The following SZT2 variants were observed in gnomAD, a reference collection of about 807,000 sequenced individuals.
SZT2 encodes SZT2 subunit of KICSTOR complex, also known as KICSTOR complex protein SZT2.
Under a neutral mutation model 404.2 loss-of-function variants are expected in SZT2, and 216 were observed. The observed-to-expected ratio is 0.53, with a 90% CI of 0.48 to 0.60. The LOEUF (loss-of-function observed/expected upper bound fraction) is 0.60. Ranked by LOEUF, SZT2 falls within the 20% of genes least tolerant of loss-of-function variation. The probability of loss-of-function intolerance (pLI) is 0.00; values close to 1 mark genes in which losing one functional copy is unlikely to be tolerated. For synonymous variants in SZT2, 1,693 were observed against 1,749.9 expected, an observed-to-expected ratio of 0.97 and a Z score of 0.81; for missense variants, 3,857 against 4,459.2, an observed-to-expected ratio of 0.86 and a Z score of 3.85.
Position 43,423,043 on chromosome 1 carries a change from T to C in SZT2, c.2038-56T>C. 2.0e-6 allele frequency: 3 copies of C among 1,530,738 alleles called. No homozygotes were observed. The South Asian group carries it at 3.6e-5, about 18-fold the overall frequency. The allele number at this position is 1,530,738 out of a possible 1,614,324, so 94.8% of individuals were successfully genotyped here. Reference sequence around the variant, plus strand: ...TGTCTCACTTTGTCTGTGAGCCCCTTCTCCCAGACCTGTAGGAGATGGGAG... The same window carrying C: ...TGTCTCACTTTGTCTGTGAGCCCCTCCTCCCAGACCTGTAGGAGATGGGAG... On this transcript the variant is annotated intron_variant, in intron 14 of 71. Coordinates refer to ENST00000634258, the MANE Select transcript of SZT2 (RefSeq NM_001365999.1).
Position 43,443,792 on chromosome 1 carries a change from C to T in SZT2, c.8821C>T (p.Arg2941Cys), listed in dbSNP as rs770785954. The change falls in exon 62 of 72, where the codon CGC (arginine) becomes TGC (cysteine). Residue 2941 changes from arginine to cysteine, a missense_variant. Around this residue, in one of 7 missense-constraint regions of SZT2, gnomAD observed 717 missense variants for 868.2 expected, o/e 0.83. Coordinates refer to ENST00000634258, the MANE Select transcript of SZT2 (RefSeq NM_001365999.1). ...ACCACTGCGGCCCCCCTCACCCGCC[C>T]GCAGGTGAGCCCGTCCCTGTTTTCC... ...LVPLRPPSPA[R>C]STSRPRAMAI... 6.2e-6 allele frequency: 10 copies of T among 1,613,150 alleles called. No individual in the cohort carries two copies. The highest frequency in any genetic ancestry group is 5.9e-6 in the Non-Finnish European group (7 of 1,180,016).
intron 4 of SZT2, among the ~76,000 whole-genome samples, chr1:43,408,531 A>G (rs839773): frequency 0.32 from 48,986 of 151,954 alleles, 8,866 homozygotes; most frequent in Middle Eastern, 0.45. Context: ...CTCCCAAAGT[A>G]CTGGGATTAC....
intron 1 of SZT2, among the ~76,000 whole-genome samples, chr1:43,397,097 G>T (rs753310502): frequency 2.0e-5 from 3 of 152,158 alleles, no homozygotes; most frequent in Non-Finnish European, 2.9e-5. Context: ...AGAACACTTA[G>T]TATGTCTTGG....
chr1:43,440,732 C>T (rs1331446706), intron 52 of SZT2, 146 bp downstream of exon 52: 9 of 1,162,304 alleles, frequency 7.7e-6, no homozygotes, highest in East Asian at 2.8e-5. Flanking sequence ...GACACCATGG[C>T]GTGTACCTTT....
Position 43,452,344 on chromosome 1 carries a change from C to T in SZT2, c.*1864C>T. 6.5e-7 allele frequency: 1 copy of T among 1,546,144 alleles called. No homozygotes were observed. The highest frequency in any genetic ancestry group is 1.7e-5 in the Admixed American group (1 of 59,198). On this transcript the variant is annotated 3_prime_UTR_variant, in exon 72 of 72. Transcript: ENST00000634258. ...CCTGTGGGGAAGATGGACTGGAGGC[C>T]TTGCCTCCCTTGGCTCTCTCTGCAC...
rs1360121203 is a variant in SZT2, at chr1:43,442,752, G to T, written c.8152-67G>T. 3.9e-6 allele frequency: 6 copies of T among 1,539,562 alleles called. No individual in the cohort carries two copies. The highest frequency in any genetic ancestry group is 5.2e-6 in the Non-Finnish European group (6 of 1,144,160). ...GGGGAGGGAGAGTCTGAGAGAGGAAGCCCTGGGATGAGAGAGAGGGTCCGA... is the reference window on the plus strand; with the variant it reads ...GGGGAGGGAGAGTCTGAGAGAGGAATCCCTGGGATGAGAGAGAGGGTCCGA... On this transcript the variant is annotated intron_variant, in intron 58 of 71. Transcript: ENST00000634258. This position sits in a 1 kb window ranked among gnomAD's most constrained non-coding sequence, Gnocchi z 4.5.
rs1654064279 is a variant in SZT2 at position 43,432,901 on chromosome 1, T to C, written c.5603-88T>C. 22 of 1,590,926 alleles carry C rather than the reference T, an allele frequency of 1.4e-5. No homozygotes were observed. The South Asian group carries it at 2.4e-4, about 18-fold the overall frequency. On this transcript the variant is annotated intron_variant, in intron 39 of 71. Coordinates refer to ENST00000634258, the MANE Select transcript of SZT2 (RefSeq NM_001365999.1). ...CAGGAGACATCAGAAGGGACTAATC[T>C]GAAGTGCATCAAGCCAGATGCACCT... is the stretch of plus-strand genomic sequence containing the variant.
Position 43,453,075 on chromosome 1 carries a change from C to G in SZT2, c.*2595C>G. On this transcript the variant is annotated 3_prime_UTR_variant, in exon 72 of 72. Coordinates refer to ENST00000634258, the MANE Select transcript of SZT2 (RefSeq NM_001365999.1). The stretch of plus-strand genomic sequence containing the variant: ...ATCCAGACAGGGTTAGGTGCCTACC[C>G]TGCTCCCACAGCTTCCTGGAATAGG... 3 of 899,396 alleles carry G rather than the reference C, an allele frequency of 3.3e-6. No individual in the cohort carries two copies. The highest frequency in any genetic ancestry group is 2.8e-5 in the South Asian group (2 of 71,184). 55.7% of individuals were successfully genotyped at this position (899,396 alleles called of 1,614,324 possible).
chr1:43,436,870 G>C (rs1654509723), intron 42 of SZT2: 1 of 438,350 alleles, frequency 2.3e-6, no homozygotes, highest in South Asian at 3.2e-5. Context: ...GACAGGGTCA[G>C]AATCTCTTGG....
chr1:43,431,285 C>G lies in SZT2; in HGVS notation c.4937C>G (p.Ala1646Gly), dbSNP rs1204940317. 1.2e-6 allele frequency: 2 copies of G among 1,611,908 alleles called. No homozygotes were observed. The highest frequency in any genetic ancestry group is 1.7e-6 in the Non-Finnish European group (2 of 1,178,898). ...TTCAGGTCAACATCTGAAAGCAGTG[C>G]TTCATTTCCACGATCCCCAGGGCAG... ...QHHRSTSESS[A>G]SFPRSPGQPS... Residue 1646 changes from alanine (A) to glycine (G), a missense_variant, in exon 34 of 72, where the codon GCT becomes GGT. By Grantham distance (60) the Ala-to-Gly change is moderately conservative (BLOSUM62 0). This residue lies in a region of SZT2 where 1,725 missense variants were observed against 1,881.0 expected (regional missense o/e 0.92). Transcript: ENST00000634258.
In SZT2 at chr1:43,431,743, G is replaced by A; in HGVS notation, c.5116G>A (p.Val1706Met). ...EIRWLLEDEM[V>M]GALRRGGIPQ... ...CCGCTGGTTGTTGGAAGATGAGATG[G>A]TGGGGGCACTCCGAAGAGGGGGCAT... Residue 1706 changes from valine to methionine, a missense_variant, in exon 36 of 72, where the codon GTG (valine) becomes ATG (methionine). Transcript: ENST00000634258. 6.2e-7 allele frequency: 1 copy of A among 1,614,200 alleles called. No individual in the cohort carries two copies. The highest frequency in any genetic ancestry group is 1.3e-5 in the African/African-American group (1 of 75,056).
rs778463185 is a variant in SZT2 at position 43,453,681 on chromosome 1, G to A, written c.*3201G>A. ...CTCAGGCGTCTCCGCGTACGGCCAG[G>A]CCACCTCGACGGCCTCGAAGCCCGA... On this transcript the variant is annotated 3_prime_UTR_variant, in exon 72 of 72. Transcript: ENST00000634258. 6.2e-6 allele frequency: 9 copies of A among 1,463,338 alleles called. 1 individual carries two copies. The highest frequency in any genetic ancestry group is 8.1e-6 in the Non-Finnish European group (9 of 1,117,106). 90.6% of individuals were successfully genotyped at this position (1,463,338 alleles called of 1,614,324 possible). A position where few individuals can be genotyped will look rare whatever the true frequency, so the allele number is the denominator to read the frequency against.
Position 43,441,408 on chromosome 1 carries a change from G to A in SZT2, c.7511+28G>A. On this transcript the variant is annotated intron_variant, in intron 53 of 71. Coordinates refer to ENST00000634258, the MANE Select transcript of SZT2 (RefSeq NM_001365999.1). This position sits in a 1 kb window ranked among gnomAD's most constrained non-coding sequence, Gnocchi z 4.8. ...ATGTGTGTGGTGGTGGTGTGCCCTG[G>A]GAGGGTATGGGTGTGAAGTCACAGA... The A allele has an allele frequency of 6.2e-7, 1 of 1,612,836 alleles. No homozygotes were observed. The highest frequency in any genetic ancestry group is 1.7e-5 in the Admixed American group (1 of 59,970).
intron 28 of SZT2, 40 bp downstream of exon 28, chr1:43,428,526 G>C (rs763329995): frequency 7.5e-6 from 12 of 1,593,908 alleles, no homozygotes; most frequent in Non-Finnish European, 1.0e-5. Context: ...GGGGTACACA[G>C]ACCAAGTCCC....
chr1:43,453,560 C>G lies in SZT2; in HGVS notation c.*3080C>G, dbSNP rs1480959644. 7 of 1,512,796 alleles carry G rather than the reference C, an allele frequency of 4.6e-6. No individual in the cohort carries two copies. The highest frequency in any genetic ancestry group is 6.2e-6 in the Non-Finnish European group (7 of 1,127,102). 93.7% of individuals were successfully genotyped at this position (1,512,796 alleles called of 1,614,324 possible). A position where few individuals can be genotyped will look rare whatever the true frequency, so the allele number is the denominator to read the frequency against. ...CTCCCCTGCCCGCGCCCCGGCACCC[C>G]CCAGCCCTCCCAGCCCTCCCGGCCC... On this transcript the variant is annotated 3_prime_UTR_variant, in exon 72 of 72. Transcript: ENST00000634258.
At chr1:43,403,503 A>G (rs1649931848) in intron 2 of SZT2, 98 bp from the exon 3 acceptor site, 5 of 1,438,776 alleles carry the variant, frequency 3.5e-6, no homozygotes, top group Non-Finnish European at 4.8e-6. Flanking sequence ...TGAGGGAGGT[A>G]GAGCCAATGA....
At chr1:43,429,914 T>C in intron 29 of SZT2, 70 bp downstream of exon 29, 1 of 1,612,386 alleles carries the variant, frequency 6.2e-7, no homozygotes, top group Non-Finnish European at 8.5e-7. Flanking sequence ...GATTCTCTCC[T>C]GGGCGGGGGG....
chr1:43,397,903 A>G (rs1191016765), intron 1 of SZT2, among the ~76,000 whole-genome samples: 3 of 152,192 alleles, frequency 2.0e-5, no homozygotes, highest in Non-Finnish European at 2.9e-5. Flanking sequence ...AATGCCCAAC[A>G]TAGGACCCTA....
At chr1:43,404,831 G>T in intron 4 of SZT2, 1 of 305,038 alleles carries the variant, frequency 3.3e-6, no homozygotes, top group Non-Finnish European at 6.0e-6. Flanking sequence ...ACCACTGGAT[G>T]TCTGTTTTCT....
Sources: allele counts gnomAD v4.1 joint callset (sites outside exome capture counted in the v4.1 genomes callset), GRCh38; gene constraint gnomAD v4.1.1; regional missense constraint gnomAD v4.1.1; non-coding constraint Gnocchi (gnomAD v3.1); transcripts MANE v1.5; gene names NCBI Gene and HGNC (gene_info 2026-07-23, HGNC 2026-07-21).